CALN1: variants seen among roughly 807,000 people sequenced by gnomAD.
CALN1 encodes the protein calneuron 1.
CALN1 carries 17 observed loss-of-function variants against 30.6 expected under a neutral mutation model. That is an observed-to-expected ratio of 0.56 (90% CI 0.38 to 0.83). The LOEUF is 0.83. Among genes scored for constraint, CALN1 ranks in the 40% least tolerant of loss-of-function variants. CALN1 has a pLI of 0.00. For missense variants in CALN1, 291 were observed against 354.9 expected, an observed-to-expected ratio of 0.82 and a Z score of 1.45; for synonymous variants, 156 against 131.4, an observed-to-expected ratio of 1.19 and a Z score of -1.28.
chr7:72,242,978 T>C (rs1234189298), intron 3 of CALN1, among the ~76,000 whole-genome samples: 4 of 152,218 alleles, frequency 2.6e-5, no homozygotes, highest in Non-Finnish European at 4.4e-5. Flanking sequence ...ACATTTGATA[T>C]TATAGATATG....
chr7:72,358,248 G>A (rs2129559628), intron 2 of CALN1, among the ~76,000 whole-genome samples: 1 of 151,982 alleles, frequency 6.6e-6, no homozygotes. Flanking sequence ...TTGAGCCTTG[G>A]CCTCCCAAAG....
Position 71,893,149 on chromosome 7 carries a change from G to A in CALN1, c.502-82657C>T, listed in dbSNP as rs184226790. 5.9e-5 allele frequency among the ~76,000 whole-genome samples: 9 copies of A among 152,252 alleles called. No individual in the cohort carries two copies. In the East Asian group the frequency reaches 1.7e-3, roughly 29 times the overall value. On this transcript the variant is annotated intron_variant, in intron 5 of 6. Coordinates refer to ENST00000395275, the MANE Select transcript of CALN1 (RefSeq NM_031468.4). ...TATCCTGGTGGTTCACCACTGGGAAGGATCCTGCACCCTCAGGGGACATTT... is the reference window on the plus strand; with the variant it reads ...TATCCTGGTGGTTCACCACTGGGAAAGATCCTGCACCCTCAGGGGACATTT...
At chr7:72,146,604 T>C (rs1252151724) in intron 3 of CALN1, among the ~76,000 whole-genome samples, 2 of 152,124 alleles carry the variant, frequency 1.3e-5, no homozygotes, top group Non-Finnish European at 2.9e-5. Flanking sequence ...CTTCACAGAA[T>C]TGGAAAAAAA....
intron 5 of CALN1, among the ~76,000 whole-genome samples, chr7:71,974,092 G>A (rs978721681): frequency 6.6e-6 from 1 of 152,044 alleles, no homozygotes; most frequent in Admixed American, 6.6e-5. Context: ...ACAAAATGAT[G>A]ATCTTTATTA....
At chr7:71,909,672 G>T (rs2116992335) in intron 5 of CALN1, among the ~76,000 whole-genome samples, 1 of 152,270 alleles carries the variant, frequency 6.6e-6, no homozygotes, top group South Asian at 2.1e-4. Flanking sequence ...GTTTCAAGTT[G>T]CAAGGCAGAT....
intron 5 of CALN1, among the ~76,000 whole-genome samples, chr7:71,939,403 CAAAAAAAAA>C (rs56368426): frequency 0.22 from 22,696 of 105,500 alleles, 2,171 homozygotes; most frequent in Middle Eastern, 0.29. Context: ...ACTAAAAATA[CAAAAAAAAA>C]AAAAAAAAAA....
intron 5 of CALN1, among the ~76,000 whole-genome samples, chr7:71,975,702 TGATAGGTGTGA>T (rs1189195158): frequency 6.6e-6 from 1 of 152,002 alleles, no homozygotes; most frequent in Non-Finnish European, 1.5e-5. Context: ...AGCGCTGGGA[TGATAGGTGTGA>T]GCCACCACAC....
At chr7:72,163,770 T>A (rs945410380) in intron 3 of CALN1, among the ~76,000 whole-genome samples, 1 of 152,140 alleles carries the variant, frequency 6.6e-6, no homozygotes, top group East Asian at 1.9e-4. Context: ...AACATATTGA[T>A]GGAGATTCAG....
intron 5 of CALN1, among the ~76,000 whole-genome samples, chr7:71,951,231 G>A (rs1796673993): frequency 6.6e-6 from 1 of 152,028 alleles, no homozygotes; most frequent in Non-Finnish European, 1.5e-5. Flanking sequence ...TGATCAAAGA[G>A]CTCTCTAACA....
chr7:71,921,465 C>T (rs1794941061), intron 5 of CALN1, among the ~76,000 whole-genome samples: 1 of 152,074 alleles, frequency 6.6e-6, no homozygotes, highest in Admixed American at 6.5e-5. Flanking sequence ...TTTACTGATA[C>T]TTAAACCTTG....
intron 2 of CALN1, among the ~76,000 whole-genome samples, chr7:72,393,564 G>C (rs916809281): frequency 2.0e-5 from 3 of 152,108 alleles, no homozygotes; most frequent in Non-Finnish European, 4.4e-5. Flanking sequence ...AAAGCAAGGA[G>C]GACACTGCAT....
intron 3 of CALN1, among the ~76,000 whole-genome samples, chr7:72,188,679 C>T (rs1173145504): frequency 6.6e-6 from 1 of 152,030 alleles, no homozygotes; most frequent in Non-Finnish European, 1.5e-5. Context: ...CAAATACCAT[C>T]CATTCCCCAA....
At chr7:72,205,134 AT>A (rs910545159) in intron 3 of CALN1, among the ~76,000 whole-genome samples, 152 of 149,594 alleles carry the variant, frequency 1.0e-3, no homozygotes, top group Admixed American at 3.7e-3. Flanking sequence ...GATCAATTTG[AT>A]TTTTTTTTCA....
At chr7:71,890,273 C>T (rs896106332) in intron 5 of CALN1, among the ~76,000 whole-genome samples, 5 of 152,232 alleles carry the variant, frequency 3.3e-5, no homozygotes, top group Admixed American at 6.5e-5. Context: ...CAGCTGAGAA[C>T]AGAATTTTTA....
chr7:72,290,555 T>C (rs749290195), intron 2 of CALN1, among the ~76,000 whole-genome samples: 15 of 152,210 alleles, frequency 9.9e-5, no homozygotes, highest in Non-Finnish European at 1.8e-4. Context: ...TGAACAGTTA[T>C]GCAAGCATCA....
chr7:72,093,067 A>G (rs1002551274), intron 4 of CALN1, among the ~76,000 whole-genome samples: 6 of 152,286 alleles, frequency 3.9e-5, no homozygotes, highest in Admixed American at 3.9e-4. Flanking sequence ...ACAGCTCTGA[A>G]AACAAAGTAC....
intron 3 of CALN1, among the ~76,000 whole-genome samples, chr7:72,163,406 A>AAAAAAAC (rs1563111591): frequency 6.6e-6 from 1 of 151,246 alleles, no homozygotes; most frequent in African/African-American, 2.4e-5. Flanking sequence ...AAAAAAAAAA[A>AAAAAAAC]AAAACAGAAA....
At position 72,140,464 on chromosome 7, in the gene CALN1, C is replaced by T. The variant is rs865994435; in HGVS notation, c.245-34170G>A. Among the ~76,000 whole-genome samples, 24 of 152,190 alleles carry T rather than the reference C, an allele frequency of 1.6e-4. No individual in the cohort carries two copies. In the South Asian group the frequency reaches 2.1e-3, roughly 13 times the overall value. On this transcript the variant is annotated intron_variant, in intron 3 of 6. Coordinates refer to ENST00000395275, the MANE Select transcript of CALN1 (RefSeq NM_031468.4). ...TGCTGCTCCTGTGGACCTGCCCAGA[C>T]AATTTTAGCACACGCAGCTCTACAG...
intron 4 of CALN1, among the ~76,000 whole-genome samples, chr7:72,102,018 G>C (rs965121986): frequency 6.6e-6 from 1 of 152,096 alleles, no homozygotes; most frequent in Non-Finnish European, 1.5e-5. Context: ...ATCAAATGCA[G>C]TCATTTTTCA....
Sources: gnomAD v4.1 joint callset for allele counts (sites outside exome capture counted in the v4.1 genomes callset) on GRCh38, gnomAD v4.1.1 for gene constraint, MANE v1.5 for transcripts, NCBI Gene and HGNC (gene_info 2026-07-23, HGNC 2026-07-21) for gene names.